Variants in MCM3AP observed in about 807,000 individuals in gnomAD.
MCM3AP encodes the protein minichromosome maintenance complex component 3 associated protein.
A neutral mutation model predicts 184.1 loss-of-function variants in MCM3AP; 126 were observed. The ratio of observed to expected loss-of-function variants is 0.68; its 90% CI spans 0.59 to 0.79. The LOEUF (loss-of-function observed/expected upper bound fraction) is 0.79, where lower values mean the gene tolerates loss of function less well. MCM3AP is among the 30% of genes least tolerant of loss of function. MCM3AP has a pLI of 0.00. For missense variants in MCM3AP, 2,496 were observed against 2,479.2 expected (o/e 1.01, Z -0.14); for synonymous variants, 1,002 against 979.3 (o/e 1.02, Z -0.43).
At chr21:46,279,387 G>A (rs1363736470) in intron 4 of MCM3AP, among the ~76,000 whole-genome samples, 3 of 152,262 alleles carry the variant, frequency 2.0e-5, no homozygotes, top group Admixed American at 6.5e-5. Flanking sequence ...GCACTTAACT[G>A]CAGTGGGATT....
rs556321149 is a variant in MCM3AP, at chr21:46,264,832, G to A, written c.3234+489C>T. On this transcript the variant is annotated intron_variant, in intron 12 of 27. Transcript: ENST00000291688. ...CCCATCAGGGGGCACACCCGCCAGGGGACACGCCCATCCCAGGTCACACCC... is the reference window on the plus strand; with the variant it reads ...CCCATCAGGGGGCACACCCGCCAGGAGACACGCCCATCCCAGGTCACACCC... Among the ~76,000 whole-genome samples, 17 of 151,752 alleles carry A rather than the reference G, an allele frequency of 1.1e-4. 1 individual carries two copies. The South Asian group carries it at 3.6e-3, about 32-fold the overall frequency.
intron 13 of MCM3AP, 146 bp downstream of exon 13, chr21:46,263,971 G>GA: frequency 1.8e-6 from 1 of 553,054 alleles, no homozygotes; most frequent in Non-Finnish European, 3.2e-6. Flanking sequence ...GAATGTAGGG[G>GA]AAAATCTTCC....
chr21:46,275,457 A>C, intron 5 of MCM3AP, 132 bp from the exon 6 acceptor site: 1 of 809,208 alleles, frequency 1.2e-6, no homozygotes, highest in Non-Finnish European at 1.9e-6. Flanking sequence ...AAAGAAAAAC[A>C]TTTGTAAAAC....
chr21:46,236,109 G>A (rs1383826573), intron 27 of MCM3AP: 1 of 152,210 alleles, frequency 6.6e-6, no homozygotes, highest in African/African-American at 2.4e-5. Context: ...TGGTAGGTCA[G>A]AATTCTTTAG....
At chr21:46,271,326 GTT>G (rs375433728) in intron 8 of MCM3AP, among the ~76,000 whole-genome samples, 27 of 132,150 alleles carry the variant, frequency 2.0e-4, no homozygotes, top group Non-Finnish European at 3.1e-4. Flanking sequence ...CCACACCTGG[GTT>G]TTTTTTTTTT....
rs1325091086 is a variant in MCM3AP at position 46,246,343 on chromosome 21, G to A, written c.4611C>T (p.Ile1537=). The part of the protein sequence containing the change: ...KLISDYTVTE[I]PDTINDLQGS... ...CTTGTAGATCATTAATGGTATCAGG[G>A]ATCTCGGTAACAGTGTAATCTGAAA... Residue 1537 remains isoleucine (I), a synonymous_variant, in exon 22 of 28, where the codon ATC becomes ATT. Coordinates refer to ENST00000291688, the MANE Select transcript of MCM3AP (RefSeq NM_003906.5). 1 of 1,612,364 alleles carries A rather than the reference G, an allele frequency of 6.2e-7. No individual in the cohort carries two copies.
chr21:46,239,381 G>A (rs17183354), intron 26 of MCM3AP, among the ~76,000 whole-genome samples: 3,752 of 151,746 alleles, frequency 0.025, 69 homozygotes, highest in Middle Eastern at 0.048. Flanking sequence ...ATAGTGGCTT[G>A]AGCCACGTGG....
chr21:46,254,546 G>A lies in MCM3AP; in HGVS notation c.4002-20C>T, dbSNP rs16979014. ...ACATCACTGGGAGGAACAGACCACC[G>A]TGGATTAGCCAGTGTGTGAGACCCT... On this transcript the variant is annotated intron_variant, in intron 18 of 27. Transcript: ENST00000291688. 0.049 allele frequency: 78,319 copies of A among 1,613,500 alleles called. 2,708 individuals are homozygous for A. The highest frequency in any genetic ancestry group is 0.15 in the African/African-American group (11,425 of 75,044).
rs1332097317 is a variant in MCM3AP, at chr21:46,240,887, G to A, written c.5557C>T (p.Arg1853Ter). 2.5e-6 allele frequency: 4 copies of A among 1,614,162 alleles called. No individual in the cohort carries two copies. Among genetic ancestry groups the A allele is most frequent in the Non-Finnish European group, 2.5e-6 (3 of 1,180,018 alleles). The change falls in exon 26 of 28, where the codon CGA (arginine) becomes TGA (stop). Residue 1853 changes from arginine to a stop codon, truncating the protein, a stop_gained. Transcript: ENST00000291688. LOFTEE classifies it high-confidence loss of function. Reference protein sequence around the residue: ...GRIPSTEDLMRGASAEELLAQ... With the variant: ...GRIPSTEDLM ...AAGAGCTCCTCAGCAGAAGCTCCTC[G>A]CATCAGATCCTCTGTGCTGGGAATC... is the stretch of plus-strand genomic sequence containing the variant.
At chr21:46,241,459 C>G (rs1047582979) in intron 25 of MCM3AP, 4 of 156,960 alleles carry the variant, frequency 2.5e-5, no homozygotes, top group African/African-American at 9.6e-5. Context: ...AGGCATCTGA[C>G]ATTTTTTTCT....
At chr21:46,264,505 C>A (rs1374929431) in intron 12 of MCM3AP, among the ~76,000 whole-genome samples, 1 of 152,186 alleles carries the variant, frequency 6.6e-6, no homozygotes, top group Admixed American at 6.5e-5. Flanking sequence ...CCTAAGCACT[C>A]CCTGATCCCC....
At chr21:46,263,324 C>T (rs1457196751) in intron 13 of MCM3AP, among the ~76,000 whole-genome samples, 1 of 151,882 alleles carries the variant, frequency 6.6e-6, no homozygotes, top group African/African-American at 2.4e-5. Context: ...AGCGAGACTC[C>T]GTCTCAAAAA....
chr21:46,266,771 A>T (rs1450218595), intron 10 of MCM3AP: 1 of 559,852 alleles, frequency 1.8e-6, no homozygotes, highest in African/African-American at 1.9e-5. Flanking sequence ...TTGGAGTCAC[A>T]AAGAACTTGG....
chr21:46,260,711 A>G (rs1601518102), intron 15 of MCM3AP, 82 bp downstream of exon 15: 20 of 958,492 alleles, frequency 2.1e-5, no homozygotes, highest in Non-Finnish European at 3.2e-5. Flanking sequence ...CCAATAGCCC[A>G]TCCTCAGTGG....
rs1026197692 is a variant in MCM3AP, at chr21:46,240,903, G to A, written c.5541C>T (p.Ser1847=). The part of the protein sequence containing the change: ...TECAQEGRIP[S]TEDLMRGASA... ...AAGCTCCTCGCATCAGATCCTCTGT[G>A]CTGGGAATCCTCCCCTCTTGAGCAC... Residue 1847 remains serine (S), a synonymous_variant, in exon 26 of 28, where the codon AGC becomes AGT. Coordinates refer to ENST00000291688, the MANE Select transcript of MCM3AP (RefSeq NM_003906.5). The A allele has an allele frequency of 6.2e-7, 1 of 1,614,094 alleles. No individual in the cohort carries two copies. The highest frequency in any genetic ancestry group is 1.3e-5 in the African/African-American group (1 of 74,940).
Position 46,240,951 on chromosome 21 carries a change from A to T in MCM3AP, c.5493T>A (p.Arg1831=), listed in dbSNP as rs943497257. Reference sequence around the variant, plus strand: ...CACACTCTGTGCTCCTCTTCCAGTTACGGTGCATGTGAAGCAATGGTATGG... The same window carrying T: ...CACACTCTGTGCTCCTCTTCCAGTTTCGGTGCATGTGAAGCAATGGTATGG... ...NFPIPLLHMH[R]NWKRSTECAQ... is the part of the protein sequence containing the mutation. The change falls in exon 26 of 28, where the codon CGT becomes CGA. Residue 1831 remains arginine, a synonymous_variant. Coordinates refer to ENST00000291688, the MANE Select transcript of MCM3AP (RefSeq NM_003906.5). 1.9e-6 allele frequency: 3 copies of T among 1,614,092 alleles called. No individual in the cohort carries two copies. Among genetic ancestry groups the T allele is most frequent in the Non-Finnish European group, 1.7e-6 (2 of 1,180,036 alleles).
chr21:46,259,210 C>A (rs2081003862), intron 15 of MCM3AP, 119 bp from the exon 16 acceptor site: 1 of 937,244 alleles, frequency 1.1e-6, no homozygotes, highest in Non-Finnish European at 1.6e-6. Flanking sequence ...AATCCCAGCA[C>A]TTTGGAAGGC....
At chr21:46,255,976 C>T (rs931719926) in intron 17 of MCM3AP, among the ~76,000 whole-genome samples, 4 of 152,192 alleles carry the variant, frequency 2.6e-5, no homozygotes, top group African/African-American at 4.8e-5. Flanking sequence ...ACCCCACTGC[C>T]GGCGCAGAAC....
chr21:46,281,815 C>T (rs1452988276), intron 2 of MCM3AP, among the ~76,000 whole-genome samples: 2 of 151,704 alleles, frequency 1.3e-5, no homozygotes, highest in Non-Finnish European at 2.9e-5. Context: ...GCCTGGCCAA[C>T]GTGGTGAAAC....
Sources: allele counts gnomAD v4.1 joint callset (sites outside exome capture counted in the v4.1 genomes callset), GRCh38; gene constraint gnomAD v4.1.1; transcripts MANE v1.5; gene names NCBI Gene and HGNC (gene_info 2026-07-23, HGNC 2026-07-21).